Variants in FAF1 observed in about 807,000 individuals in gnomAD.
FAF1 encodes the protein FAS-associated factor 1.
A neutral mutation model predicts 92.5 loss-of-function variants in FAF1; 25 were observed. The observed-to-expected ratio is 0.27, with a 90% CI of 0.20 to 0.38. FAF1 has a LOEUF of 0.38. FAF1 is among the 10% of genes least tolerant of loss of function. The pLI is 1.00. For missense variants in FAF1, 636 were observed against 793.3 expected, an observed-to-expected ratio of 0.80 and a Z score of 2.38; for synonymous variants, 234 against 273.2, an observed-to-expected ratio of 0.86 and a Z score of 1.42.
At chr1:50,573,629 G>A (rs1347479319) in intron 12 of FAF1, among the ~76,000 whole-genome samples, 2 of 152,020 alleles carry the variant, frequency 1.3e-5, no homozygotes, top group Admixed American at 6.6e-5. Flanking sequence ...AGACCAACAA[G>A]CATCAACCAA....
chr1:50,706,471 G>A (rs1306169632), intron 6 of FAF1, among the ~76,000 whole-genome samples: 1 of 152,102 alleles, frequency 6.6e-6, no homozygotes, highest in Non-Finnish European at 1.5e-5. Flanking sequence ...ATTTTGTAAA[G>A]CCTATAACAA....
intron 4 of FAF1, among the ~76,000 whole-genome samples, chr1:50,756,228 G>A (rs1204696043): frequency 6.6e-6 from 1 of 152,136 alleles, no homozygotes; most frequent in East Asian, 1.9e-4. Flanking sequence ...ACACTTTGCT[G>A]CTTAGAAATT....
rs35479561 is a variant in FAF1, at chr1:50,457,724, C to CAAAAAAAAAAAA, written c.1870-16213_1870-16202dup. ...GCAATTCGGTGAAACCCCATCTCTG[C>CAAAAAAAAAAAA]AAAAAAAAAAAAAAAAAAAAAATAC... On this transcript the variant is annotated intron_variant, in intron 18 of 18. Coordinates refer to ENST00000396153, the MANE Select transcript of FAF1 (RefSeq NM_007051.3). 2.3e-3 allele frequency among the ~76,000 whole-genome samples: 130 copies of CAAAAAAAAAAAA among 56,540 alleles called. 5 individuals are homozygous for CAAAAAAAAAAAA. The highest frequency in any genetic ancestry group is 0.01 in the African/African-American group (107 of 10,430). The allele number at this position is 56,540 out of a possible 152,430, so 37.1% of individuals were successfully genotyped here. A position where few individuals can be genotyped will look rare whatever the true frequency, so the allele number is the denominator to read the frequency against.
chr1:50,440,553 G>A lies in FAF1; in HGVS notation c.*887C>T, dbSNP rs971324245. Reference sequence around the variant, plus strand: ...AAGGTGCTTAAACACCAAGTGACAAGGTCCAAATGTGTGAGGGAGTAGAGA... The same window carrying A: ...AAGGTGCTTAAACACCAAGTGACAAAGTCCAAATGTGTGAGGGAGTAGAGA... On this transcript the variant is annotated 3_prime_UTR_variant, in exon 19 of 19. Coordinates refer to ENST00000396153, the MANE Select transcript of FAF1 (RefSeq NM_007051.3). 6.6e-6 allele frequency: 1 copy of A among 152,244 alleles called. No individual in the cohort carries two copies. Among genetic ancestry groups the A allele is most frequent in the Non-Finnish European group, 1.5e-5 (1 of 68,050 alleles). The allele number at this position is 152,244 out of a possible 1,614,324, so 9.4% of individuals were successfully genotyped here. A position where few individuals can be genotyped will look rare whatever the true frequency, so the allele number is the denominator to read the frequency against.
At chr1:50,693,801 A>G (rs1427748868) in intron 7 of FAF1, among the ~76,000 whole-genome samples, 1 of 152,080 alleles carries the variant, frequency 6.6e-6, no homozygotes, top group Non-Finnish European at 1.5e-5. Context: ...ACAGACTAGC[A>G]CACACCCCTC....
intron 7 of FAF1, among the ~76,000 whole-genome samples, chr1:50,672,248 G>A (rs1310950987): frequency 6.6e-6 from 1 of 151,836 alleles, no homozygotes; most frequent in Non-Finnish European, 1.5e-5. Flanking sequence ...GGTTTATCTT[G>A]GCCAGGCTGG....
chr1:50,658,753 T>C (rs946975814), intron 7 of FAF1, among the ~76,000 whole-genome samples: 1 of 152,362 alleles, frequency 6.6e-6, no homozygotes, highest in African/African-American at 2.4e-5. Flanking sequence ...ATGTAAAGCA[T>C]ATTAGGCTAA....
At chr1:50,604,807 G>A (rs1268941729) in intron 8 of FAF1, among the ~76,000 whole-genome samples, 1 of 152,138 alleles carries the variant, frequency 6.6e-6, no homozygotes. Flanking sequence ...TTACAGGTGT[G>A]AGCCACCACA....
intron 4 of FAF1, among the ~76,000 whole-genome samples, chr1:50,774,999 G>A (rs1447153374): frequency 2.0e-5 from 3 of 152,066 alleles, no homozygotes; most frequent in African/African-American, 4.8e-5. Flanking sequence ...CTTTGGGCTC[G>A]CTTTCAAACC....
chr1:50,895,463 C>A (rs1181363788), intron 1 of FAF1, among the ~76,000 whole-genome samples: 4 of 152,120 alleles, frequency 2.6e-5, no homozygotes, highest in Admixed American at 6.5e-5. Context: ...AGAACTAATA[C>A]CAATCCCACT....
At chr1:50,922,543 C>G (rs1397801044) in intron 1 of FAF1, among the ~76,000 whole-genome samples, 1 of 150,464 alleles carries the variant, frequency 6.6e-6, no homozygotes, top group Non-Finnish European at 1.5e-5. Context: ...TAAGCTAGGC[C>G]GCAGTGGCTC....
chr1:50,954,039 C>T lies in FAF1; in HGVS notation c.45+5728G>A, dbSNP rs566642722. Among the ~76,000 whole-genome samples the T allele has an allele frequency of 1.9e-3, 294 of 152,046 alleles. 1 individual carries two copies. The highest frequency in any genetic ancestry group is 6.9e-3 in the African/African-American group (287 of 41,498). ...TCTCGGCTCACTGCAAGCTCTGCCT[C>T]CCGGGTTTATGCCATTCTCCTGCCT... is the stretch of plus-strand genomic sequence containing the variant. On this transcript the variant is annotated intron_variant, in intron 1 of 18. Coordinates refer to ENST00000396153, the MANE Select transcript of FAF1 (RefSeq NM_007051.3).
intron 8 of FAF1, among the ~76,000 whole-genome samples, chr1:50,601,786 A>G (rs1457469855): frequency 1.3e-5 from 2 of 151,768 alleles, no homozygotes; most frequent in East Asian, 3.9e-4. Context: ...ACATATATTC[A>G]TATATACATA....
At chr1:50,684,708 G>C (rs377142113) in intron 7 of FAF1, among the ~76,000 whole-genome samples, 29 of 152,208 alleles carry the variant, frequency 1.9e-4, no homozygotes, top group African/African-American at 6.3e-4. Flanking sequence ...CACTAAGCTC[G>C]AGCATTCAAC....
chr1:50,692,024 T>C (rs1161523070), intron 7 of FAF1, among the ~76,000 whole-genome samples: 1 of 152,176 alleles, frequency 6.6e-6, no homozygotes, highest in Non-Finnish European at 1.5e-5. Context: ...CAGACCAGCC[T>C]GGGCAACATG....
chr1:50,660,098 A>G (rs1027195693), intron 7 of FAF1, among the ~76,000 whole-genome samples: 1 of 152,230 alleles, frequency 6.6e-6, no homozygotes, highest in African/African-American at 2.4e-5. Context: ...ATATAAAATT[A>G]TAAAAGTACC....
chr1:50,521,896 T>C (rs1484534826), intron 15 of FAF1, among the ~76,000 whole-genome samples: 2 of 152,254 alleles, frequency 1.3e-5, no homozygotes, highest in South Asian at 4.1e-4. Flanking sequence ...TCTGAACAGG[T>C]GTGCTGAATT....
At chr1:50,815,725 T>G (rs867382971) in intron 2 of FAF1, among the ~76,000 whole-genome samples, 1 of 152,332 alleles carries the variant, frequency 6.6e-6, no homozygotes, top group Middle Eastern at 3.4e-3. Flanking sequence ...TTTTTTACTT[T>G]TAGTAATAGC....
intron 1 of FAF1, among the ~76,000 whole-genome samples, chr1:50,955,875 A>C (rs1645262320): frequency 6.6e-6 from 1 of 152,242 alleles, no homozygotes; most frequent in Non-Finnish European, 1.5e-5. Flanking sequence ...AAGTGAAATA[A>C]GCCAGTCACA....
Sources: gnomAD v4.1 joint callset for allele counts (sites outside exome capture counted in the v4.1 genomes callset) on GRCh38, gnomAD v4.1.1 for gene constraint, MANE v1.5 for transcripts, NCBI Gene and HGNC (gene_info 2026-07-23, HGNC 2026-07-21) for gene names.